Variants in CECR2 observed in about 807,000 individuals in gnomAD.
CECR2 encodes chromatin remodeling regulator CECR2.
CECR2 carries 30 observed loss-of-function variants against 154.5 expected under a neutral mutation model. The observed-to-expected ratio is 0.19, with a 90% CI of 0.15 to 0.26. The LOEUF is 0.26. CECR2 is among the 10% of genes least tolerant of loss of function. The pLI, the probability that CECR2 is intolerant of heterozygous loss-of-function variation, is 1.00. For missense variants in CECR2, 1,743 were observed against 1,829.3 expected (o/e 0.95, Z 0.86); for synonymous variants, 725 against 683.7 (o/e 1.06, Z -0.94).
intron 6 of CECR2, among the ~76,000 whole-genome samples, chr22:17,504,566 A>T (rs1416236379): frequency 6.6e-6 from 1 of 151,688 alleles, no homozygotes; most frequent in Non-Finnish European, 1.5e-5. Flanking sequence ...CCTCCCGAGT[A>T]GCTAGGATCA....
intron 8 of CECR2, 21 bp downstream of exon 8, chr22:17,511,917 C>T (rs766906272): frequency 3.8e-6 from 6 of 1,559,000 alleles, no homozygotes; most frequent in African/African-American, 2.7e-5. Context: ...GTGAGAGTAG[C>T]GAGGAGGAGC....
chr22:17,465,722 A>G lies in CECR2; in HGVS notation c.127-11866A>G, dbSNP rs1390838807. On this transcript the variant is annotated intron_variant, in intron 1 of 18. Transcript: ENST00000262608. Reference sequence around the variant, plus strand: ...CTGGTCATGAACTCCTGACCTCGTGATCCCCCCGCCTCAGCCTCCCAAAGT... The same window carrying G: ...CTGGTCATGAACTCCTGACCTCGTGGTCCCCCCGCCTCAGCCTCCCAAAGT... Among the ~76,000 whole-genome samples, 5 of 151,986 alleles carry G rather than the reference A, an allele frequency of 3.3e-5. No homozygotes were observed. In the East Asian group the frequency reaches 9.7e-4, roughly 29 times the overall value.
intron 1 of CECR2, among the ~76,000 whole-genome samples, chr22:17,379,527 T>G (rs1569042517): frequency 6.7e-6 from 1 of 149,852 alleles, no homozygotes; most frequent in African/African-American, 2.5e-5. Context: ...AGTGGTGTAC[T>G]GGGGAGGGCG....
At chr22:17,526,107 A>G (rs180789108) in intron 9 of CECR2, among the ~76,000 whole-genome samples, 9 of 152,310 alleles carry the variant, frequency 5.9e-5, no homozygotes, top group Non-Finnish European at 1.2e-4. Flanking sequence ...ATTCAATGCA[A>G]TGTCTACCAG....
chr22:17,510,692 G>A (rs1050520990), intron 7 of CECR2, among the ~76,000 whole-genome samples: 1 of 152,018 alleles, frequency 6.6e-6, no homozygotes, highest in Non-Finnish European at 1.5e-5. Flanking sequence ...AGCTCCGCCT[G>A]CCAGGTTCAA....
intron 1 of CECR2, among the ~76,000 whole-genome samples, chr22:17,428,961 A>G (rs2054376938): frequency 6.6e-6 from 1 of 152,086 alleles, no homozygotes; most frequent in Non-Finnish European, 1.5e-5. Context: ...TTGATGATGG[A>G]GATAGCTTAT....
chr22:17,361,225 C>T (rs558786626), intron 1 of CECR2, among the ~76,000 whole-genome samples: 44 of 152,060 alleles, frequency 2.9e-4, no homozygotes, highest in African/African-American at 9.4e-4. Context: ...CAGTGGCTCA[C>T]GTCTATAATC....
intron 1 of CECR2, among the ~76,000 whole-genome samples, chr22:17,445,350 T>G (rs945096015): frequency 6.6e-6 from 1 of 151,998 alleles, no homozygotes; most frequent in Non-Finnish European, 1.5e-5. Context: ...AAATAATAAA[T>G]GAACTCATGA....
chr22:17,416,469 A>G lies in CECR2; in HGVS notation c.126+46560A>G, dbSNP rs149506162. ...CAAAACCAAATAGGGTATGTTGGTT[A>G]GGATTTTGGTCCCACAATCTAGGCT... On this transcript the variant is annotated intron_variant, in intron 1 of 18. Coordinates refer to ENST00000262608, the MANE Select transcript of CECR2 (RefSeq NM_001290047.2). Among the ~76,000 whole-genome samples, 711 of 152,232 alleles carry G rather than the reference A, an allele frequency of 4.7e-3. 1 individual carries two copies. The highest frequency in any genetic ancestry group is 6.4e-3 in the Non-Finnish European group (435 of 68,012).
At chr22:17,421,090 ATTTTT>A (rs112141868) in intron 1 of CECR2, among the ~76,000 whole-genome samples, 1 of 150,816 alleles carries the variant, frequency 6.6e-6, no homozygotes, top group Non-Finnish European at 1.5e-5. Flanking sequence ...TTAGCTAAGA[ATTTTT>A]TTTTTAAGTT....
intron 2 of CECR2, among the ~76,000 whole-genome samples, chr22:17,484,699 G>A (rs2055389518): frequency 2.0e-5 from 3 of 152,092 alleles, no homozygotes; most frequent in South Asian, 4.1e-4. Context: ...TCAGGAGTTC[G>A]AGACCACGTC....
intron 1 of CECR2, among the ~76,000 whole-genome samples, chr22:17,411,189 T>C (rs540633033): frequency 1.6e-4 from 25 of 152,342 alleles, no homozygotes; most frequent in African/African-American, 5.5e-4. Flanking sequence ...TGTTTTTGGA[T>C]TGAGAGAGTC....
chr22:17,382,176 C>G (rs944713537), intron 1 of CECR2, among the ~76,000 whole-genome samples: 6 of 151,928 alleles, frequency 3.9e-5, no homozygotes, highest in South Asian at 2.1e-4. Context: ...AGGCGTGAGC[C>G]ACTGTGCCCG....
chr22:17,543,127 T>G lies in CECR2; in HGVS notation c.2860+124T>G, dbSNP rs1289420680. 7 of 1,132,618 alleles carry G rather than the reference T, an allele frequency of 6.2e-6. No homozygotes were observed. In the East Asian group the frequency reaches 7.8e-5, roughly 13 times the overall value. 70.2% of individuals were successfully genotyped at this position (1,132,618 alleles called of 1,614,324 possible). A position where few individuals can be genotyped will look rare whatever the true frequency, so the allele number is the denominator to read the frequency against. ...TCTTTCTTTGTTTATTTTTTGGTTT[T>G]GTTTTGTTCTGTTTTGTTTTTTTGA... On this transcript the variant is annotated intron_variant, in intron 16 of 18. Transcript: ENST00000262608.
intron 1 of CECR2, among the ~76,000 whole-genome samples, chr22:17,428,826 G>GTATA (rs1555908344): frequency 4.0e-5 from 6 of 150,710 alleles, no homozygotes; most frequent in African/African-American, 4.9e-5. Flanking sequence ...GTGTGTGTGT[G>GTATA]TATATAAAGG....
intron 2 of CECR2, among the ~76,000 whole-genome samples, chr22:17,491,578 TGTG>T (rs760211658): frequency 1.3e-5 from 1 of 76,932 alleles, no homozygotes; most frequent in Non-Finnish European, 2.9e-5. Context: ...TGTGTGTGTG[TGTG>T]TGGGGGGGTG....
intron 1 of CECR2, among the ~76,000 whole-genome samples, chr22:17,421,459 C>G (rs561058014): frequency 6.6e-6 from 1 of 151,840 alleles, no homozygotes; most frequent in Non-Finnish European, 1.5e-5. Context: ...ACTAAAAATA[C>G]AAAAAATTAG....
chr22:17,461,228 C>T (rs1293107841), intron 1 of CECR2, among the ~76,000 whole-genome samples: 1 of 152,148 alleles, frequency 6.6e-6, no homozygotes, highest in Non-Finnish European at 1.5e-5. Context: ...AGAGTTTATT[C>T]TTTTTTATCC....
intron 2 of CECR2, among the ~76,000 whole-genome samples, chr22:17,489,816 CTT>C (rs1395243083): frequency 3.3e-5 from 5 of 151,060 alleles, no homozygotes; most frequent in Admixed American, 3.3e-4. Flanking sequence ...TTTCTTTACT[CTT>C]TGCTTTTTTA....
Sources: gnomAD v4.1 joint callset for allele counts (sites outside exome capture counted in the v4.1 genomes callset) on GRCh38, gnomAD v4.1.1 for gene constraint, MANE v1.5 for transcripts, NCBI Gene and HGNC (gene_info 2026-07-23, HGNC 2026-07-21) for gene names.